Variants in NTM observed in about 807,000 individuals in gnomAD.
The protein encoded by NTM is neurotrimin, also known as IgLON family member 2.
In NTM, 13 loss-of-function variants were observed where a neutral mutation model predicts 42.1. The observed-to-expected ratio is 0.31, with a 90% CI of 0.20 to 0.49. The LOEUF is 0.49. Among genes scored for constraint, NTM ranks in the 20% least tolerant of loss-of-function variants. NTM has a pLI of 0.99. For synonymous variants in NTM, 187 were observed against 179.2 expected, an observed-to-expected ratio of 1.04 and a Z score of -0.35; for missense variants, 373 against 452.8, an observed-to-expected ratio of 0.82 and a Z score of 1.60.
intron 1 of NTM, among the ~76,000 whole-genome samples, chr11:131,387,345 T>A (rs1591528102): frequency 6.6e-6 from 1 of 151,982 alleles, no homozygotes; most frequent in African/African-American, 2.4e-5. Flanking sequence ...TCCCCAGCAC[T>A]CCCCTCTTCA....
intron 2 of NTM, among the ~76,000 whole-genome samples, chr11:132,093,756 T>G (rs940146986): frequency 1.3e-5 from 2 of 152,250 alleles, no homozygotes; most frequent in African/African-American, 4.8e-5. Context: ...GCTGTGACAG[T>G]GACTATTTCA....
chr11:131,729,505 C>T (rs2079371653), intron 1 of NTM, among the ~76,000 whole-genome samples: 1 of 152,146 alleles, frequency 6.6e-6, no homozygotes, highest in Non-Finnish European at 1.5e-5. Context: ...GTTGCAAAGT[C>T]AAGCAACCAC....
intron 3 of NTM, among the ~76,000 whole-genome samples, chr11:132,157,343 A>G (rs4365065): frequency 0.8 from 122,061 of 152,190 alleles, 49,091 homozygotes; most frequent in Middle Eastern, 0.85. Context: ...TTTTTAAAAA[A>G]AATCTCTTTG....
chr11:131,867,591 T>C (rs1290239930), intron 1 of NTM, among the ~76,000 whole-genome samples: 2 of 152,022 alleles, frequency 1.3e-5, no homozygotes, highest in Non-Finnish European at 2.9e-5. Context: ...TATGTGTGTG[T>C]ACACATACCT....
chr11:131,471,259 G>A (rs1020756992), intron 1 of NTM, among the ~76,000 whole-genome samples: 1 of 152,166 alleles, frequency 6.6e-6, no homozygotes, highest in Admixed American at 6.5e-5. Context: ...GCACAGTTCT[G>A]TTTACCTATT....
intron 1 of NTM, among the ~76,000 whole-genome samples, chr11:131,445,471 C>T (rs764306324): frequency 6.6e-6 from 1 of 152,188 alleles, no homozygotes; most frequent in African/African-American, 2.4e-5. Flanking sequence ...ACCTGGGGAT[C>T]ACTGTCTAAA....
At chr11:132,151,240 G>C (rs10791215) in intron 3 of NTM, among the ~76,000 whole-genome samples, 2 of 152,074 alleles carry the variant, frequency 1.3e-5, no homozygotes, top group Non-Finnish European at 2.9e-5. Flanking sequence ...GGAAAACAGA[G>C]TGGATAAAAC....
intron 1 of NTM, among the ~76,000 whole-genome samples, chr11:131,672,657 T>G (rs1400927489): frequency 6.6e-6 from 1 of 152,172 alleles, no homozygotes; most frequent in Non-Finnish European, 1.5e-5. Flanking sequence ...CCCACTAGAC[T>G]CTGGTGCCAA....
intron 2 of NTM, among the ~76,000 whole-genome samples, chr11:132,045,834 A>T (rs892594601): frequency 2.0e-5 from 3 of 152,076 alleles, no homozygotes; most frequent in African/African-American, 7.2e-5. Flanking sequence ...GGAACTGGTG[A>T]CCCTTTTCTC....
intron 1 of NTM, among the ~76,000 whole-genome samples, chr11:131,584,054 A>G (rs1040102): frequency 0.61 from 92,146 of 152,026 alleles, 28,186 homozygotes; most frequent in South Asian, 0.68. Flanking sequence ...ACAGTAGAAA[A>G]AAGAGACGTG....
chr11:131,529,002 A>G (rs759270594), intron 1 of NTM, among the ~76,000 whole-genome samples: 4 of 152,210 alleles, frequency 2.6e-5, no homozygotes, highest in Admixed American at 6.5e-5. Context: ...ATGAGTGCTC[A>G]GTAAATATAT....
At chr11:131,526,850 G>A (rs2136628539) in intron 1 of NTM, among the ~76,000 whole-genome samples, 1 of 152,314 alleles carries the variant, frequency 6.6e-6, no homozygotes, top group South Asian at 2.1e-4. Context: ...GGTCACAAAA[G>A]ACTGCTGCCA....
chr11:132,282,804 G>C (rs1435964466), intron 4 of NTM, among the ~76,000 whole-genome samples: 1 of 151,950 alleles, frequency 6.6e-6, no homozygotes, highest in African/African-American at 2.4e-5. Context: ...ATCTATGAAT[G>C]CCTATTAATA....
chr11:132,244,446 C>T (rs2090736366), intron 4 of NTM, among the ~76,000 whole-genome samples: 3 of 152,210 alleles, frequency 2.0e-5, no homozygotes. Context: ...ACTGATTCAT[C>T]AATTCTGGGA....
intron 3 of NTM, among the ~76,000 whole-genome samples, chr11:132,196,905 C>T (rs1014884418): frequency 1.3e-5 from 2 of 152,110 alleles, no homozygotes; most frequent in African/African-American, 4.8e-5. Flanking sequence ...AGTAACAAAC[C>T]TGCACATGTA....
At chr11:132,030,164 C>T (rs12786680) in intron 2 of NTM, among the ~76,000 whole-genome samples, 4,914 of 152,254 alleles carry the variant, frequency 0.032, 111 homozygotes, top group Middle Eastern at 0.11. Flanking sequence ...TACACCTAAA[C>T]ACACTCCCTG....
At chr11:131,715,207 C>T (rs189948979) in intron 1 of NTM, among the ~76,000 whole-genome samples, 24 of 152,276 alleles carry the variant, frequency 1.6e-4, no homozygotes, top group South Asian at 1.0e-3. Context: ...TCAGATTATA[C>T]AAGAGAAAGA....
At chr11:131,594,236 T>G (rs569419860) in intron 1 of NTM, among the ~76,000 whole-genome samples, 6 of 152,306 alleles carry the variant, frequency 3.9e-5, no homozygotes, top group South Asian at 2.1e-4. Flanking sequence ...GGGAAAGAAT[T>G]TATGCTAAGT....
chr11:132,207,579 C>T (rs1478108855), intron 3 of NTM, among the ~76,000 whole-genome samples: 2 of 152,146 alleles, frequency 1.3e-5, no homozygotes, highest in African/African-American at 4.8e-5. Context: ...CCCGCATCCC[C>T]AGTTCATGGA....
Sources: gnomAD v4.1 joint callset for allele counts (sites outside exome capture counted in the v4.1 genomes callset) on GRCh38, gnomAD v4.1.1 for gene constraint, MANE v1.5 for transcripts, NCBI Gene and HGNC (gene_info 2026-07-23, HGNC 2026-07-21) for gene names.